Variants in WDR97 observed in about 807,000 individuals in gnomAD.
WDR97 encodes the protein WD repeat-containing protein 97.
A neutral mutation model predicts 65.4 loss-of-function variants in WDR97; 111 were observed. The ratio of observed to expected loss-of-function variants is 1.70; its 90% CI spans 1.45 to 1.99. The LOEUF is 1.99. Among genes scored for constraint, WDR97 ranks in the 30% most tolerant of loss-of-function variants. The pLI is 0.00. For missense variants in WDR97, 1,674 were observed against 865.0 expected (o/e 1.94, Z -11.73); for synonymous variants, 802 against 397.7 (o/e 2.02, Z -12.10).
Position 144,116,087 on chromosome 8 carries a change from C to G in WDR97, c.4667-4C>G. The G allele has an allele frequency of 1.4e-6, 1 of 693,586 alleles. No homozygotes were observed. Among genetic ancestry groups the G allele is most frequent in the Non-Finnish European group, 2.6e-6 (1 of 379,980 alleles). 43.0% of individuals were successfully genotyped at this position (693,586 alleles called of 1,614,324 possible). Reference sequence around the variant, plus strand: ...GGGCCTCATAAGCCTCCGCCCGCCCCCAGGCCCCATGCGGTCCCGGCTCTG... The same window carrying G: ...GGGCCTCATAAGCCTCCGCCCGCCCGCAGGCCCCATGCGGTCCCGGCTCTG... On this transcript the variant is annotated splice_polypyrimidine_tract_variant and splice_region_variant and intron_variant, in intron 23 of 23. Coordinates refer to ENST00000323662, the MANE Select transcript of WDR97 (RefSeq NM_001316309.2).
In WDR97 at chr8:144,111,134, G is replaced by C; in HGVS notation, c.2338G>C (p.Asp780His). Residue 780 changes from aspartate to histidine, a missense_variant, in exon 10 of 24, where the codon GAC becomes CAC. Physicochemically the swap from Asp to His is moderately conservative, Grantham distance 81. Coordinates refer to ENST00000323662, the MANE Select transcript of WDR97 (RefSeq NM_001316309.2). ...MCRKAPDVVD[D>H]PPLPLMSQES... Reference sequence around the variant, plus strand: ...CCGGAAGGCCCCAGACGTGGTGGACGACCCTCCGCTGCCACTGATGAGCCA... The same window carrying C: ...CCGGAAGGCCCCAGACGTGGTGGACCACCCTCCGCTGCCACTGATGAGCCA... 1 of 702,742 alleles carries C rather than the reference G, an allele frequency of 1.4e-6. No individual in the cohort carries two copies. Among genetic ancestry groups the C allele is most frequent in the Non-Finnish European group, 2.6e-6 (1 of 384,992 alleles). The allele number at this position is 702,742 out of a possible 1,614,324, so 43.5% of individuals were successfully genotyped here.
rs777552655 is a variant in WDR97, at chr8:144,110,943, C to T, written c.2251C>T (p.Arg751Cys). 8 of 702,714 alleles carry T rather than the reference C, an allele frequency of 1.1e-5. No homozygotes were observed. Among genetic ancestry groups the T allele is most frequent in the Admixed American group, 4.0e-5 (2 of 49,996 alleles). 43.5% of individuals were successfully genotyped at this position (702,714 alleles called of 1,614,324 possible). A position where few individuals can be genotyped will look rare whatever the true frequency, so the allele number is the denominator to read the frequency against. ...AGACCTGGTGCTGGCGCTGGGATCC[C>T]GCCTCTGCCTGGTGTCCCACAGGCT... ...SGDLVLALGS[R>C]LCLVSHRLYL... Residue 751 changes from arginine (R) to cysteine (C), a missense_variant, in exon 9 of 24, where the codon CGC becomes TGC. Arg to Cys is a radical substitution (Grantham distance 180, BLOSUM62 -3). Coordinates refer to ENST00000323662, the MANE Select transcript of WDR97 (RefSeq NM_001316309.2).
chr8:144,109,810 G>A lies in WDR97; in HGVS notation c.1476G>A (p.Leu492=). The change falls in exon 5 of 24, where the codon CTG becomes CTA. Residue 492 remains leucine (L), a synonymous_variant. Transcript: ENST00000323662. ...TGCCGCGCGAGGCGCTGTGGCTGCT[G>A]ACCAGGGCTGGGCACCTGGTCCGCG... is the stretch of plus-strand genomic sequence containing the variant. The part of the protein sequence containing the change: ...YCLPREALWL[L]TRAGHLVRAN... The A allele has an allele frequency of 1.5e-6, 1 of 679,148 alleles. No homozygotes were observed. Among genetic ancestry groups the A allele is most frequent in the East Asian group, 2.8e-5 (1 of 35,568 alleles). 42.1% of individuals were successfully genotyped at this position (679,148 alleles called of 1,614,324 possible). A position where few individuals can be genotyped will look rare whatever the true frequency, so the allele number is the denominator to read the frequency against.
In WDR97 at chr8:144,108,199, C is replaced by G. The variant is rs569592938; in HGVS notation, c.249+4C>G. The G allele has an allele frequency of 3.9e-5, 27 of 700,544 alleles. No individual in the cohort carries two copies. The highest frequency in any genetic ancestry group is 7.0e-5 in the Non-Finnish European group (27 of 383,606). 43.4% of individuals were successfully genotyped at this position (700,544 alleles called of 1,614,324 possible). ...CCTCCACGAAGTCGTGGAAAAGGTGCGGTGTGCCTGTCCTGCGCCTCCTGG... is the reference window on the plus strand; with the variant it reads ...CCTCCACGAAGTCGTGGAAAAGGTGGGGTGTGCCTGTCCTGCGCCTCCTGG... On this transcript the variant is annotated splice_donor_region_variant and intron_variant, in intron 2 of 23. Coordinates refer to ENST00000323662, the MANE Select transcript of WDR97 (RefSeq NM_001316309.2).
In WDR97 at chr8:144,116,239, G is replaced by A. The variant is rs746209042; in HGVS notation, c.4815G>A (p.Pro1605=). 7.4e-6 allele frequency: 5 copies of A among 678,520 alleles called. No individual in the cohort carries two copies. The highest frequency in any genetic ancestry group is 4.6e-5 in the South Asian group (3 of 65,292). The allele number at this position is 678,520 out of a possible 1,614,324, so 42.0% of individuals were successfully genotyped here. Residue 1605 remains proline (P), a synonymous_variant, in exon 24 of 24, where the codon CCG becomes CCA. Coordinates refer to ENST00000323662, the MANE Select transcript of WDR97 (RefSeq NM_001316309.2). ...CGCTGCCCCCGCGGCTCCTGCAGCC[G>A]GCCCTGCAGCGCTACTTTCTGCCAG... ...PRPLPPRLLQ[P]ALQRYFLPAD...
chr8:144,113,910 A>G (rs1836597838), intron 17 of WDR97, 29 bp downstream of exon 17: 1 of 686,570 alleles, frequency 1.5e-6, no homozygotes, highest in Admixed American at 2.0e-5. Context: ...GCCCCAGGCC[A>G]CCACGGGAGG....
rs1408062473 is a variant in WDR97 at position 144,110,556 on chromosome 8, G to A, written c.2059G>A (p.Asp687Asn). ...SPRLDHRPQDDPTDHITGLCC... is the reference protein window; with the variant it reads ...SPRLDHRPQDNPTDHITGLCC... ...GCGATTAGACCACCGGCCCCAGGAC[G>A]ACCCCACGGACCACATCACTGGTGA... is the stretch of plus-strand genomic sequence containing the variant. The change falls in exon 7 of 24, where the codon GAC becomes AAC. Residue 687 changes from aspartate to asparagine, a missense_variant. Asp to Asn is a conservative substitution (Grantham distance 23). Transcript: ENST00000323662. 2 of 702,846 alleles carry A rather than the reference G, an allele frequency of 2.8e-6. No individual in the cohort carries two copies. Among genetic ancestry groups the A allele is most frequent in the Non-Finnish European group, 5.2e-6 (2 of 384,948 alleles). 43.5% of individuals were successfully genotyped at this position (702,846 alleles called of 1,614,324 possible). A position where few individuals can be genotyped will look rare whatever the true frequency, so the allele number is the denominator to read the frequency against.
rs746528460 is a variant in WDR97, at chr8:144,112,118, C to A, written c.2869C>A (p.Arg957Ser). ...RVTVPIPPTH[R>S]RVHSKASQLL... ...CACAGTGCCGATCCCACCCACCCACCGTAGGGTGCACAGCAAGGCATCCCA... is the reference window on the plus strand; with the variant it reads ...CACAGTGCCGATCCCACCCACCCACAGTAGGGTGCACAGCAAGGCATCCCA... The change falls in exon 13 of 24, where the codon CGT becomes AGT. Residue 957 changes from arginine (R) to serine (S), a missense_variant. By Grantham distance (110) the Arg-to-Ser change is moderately radical. Coordinates refer to ENST00000323662, the MANE Select transcript of WDR97 (RefSeq NM_001316309.2). 2 of 702,606 alleles carry A rather than the reference C, an allele frequency of 2.8e-6. No homozygotes were observed. Among genetic ancestry groups the A allele is most frequent in the Admixed American group, 4.0e-5 (2 of 49,982 alleles). 43.5% of individuals were successfully genotyped at this position (702,606 alleles called of 1,614,324 possible).
chr8:144,109,266 G>A (rs1023532798), intron 4 of WDR97, 69 bp from the exon 5 acceptor site: 3 of 699,050 alleles, frequency 4.3e-6, no homozygotes, highest in African/African-American at 3.5e-5. Flanking sequence ...GCCTTGCTGC[G>A]CTGACTGCAA....
Position 144,109,542 on chromosome 8 carries a change from C to A in WDR97, c.1208C>A (p.Ala403Glu). 1.4e-6 allele frequency: 1 copy of A among 697,650 alleles called. No individual in the cohort carries two copies. The highest frequency in any genetic ancestry group is 2.6e-6 in the Non-Finnish European group (1 of 382,564). The allele number at this position is 697,650 out of a possible 1,614,324, so 43.2% of individuals were successfully genotyped here. ...GGCTGGCCGGTGCTGTCCCTGTGCG[C>A]GAGCAGCATGCAGCTGTGGCGCGTA... ...RPGWPVLSLCASSMQLWRVRE... is the reference protein window; with the variant it reads ...RPGWPVLSLCESSMQLWRVRE... The change falls in exon 5 of 24, where the codon GCG becomes GAG. Residue 403 changes from alanine to glutamate, a missense_variant. Physicochemically the swap from Ala to Glu is moderately radical, Grantham distance 107. Coordinates refer to ENST00000323662, the MANE Select transcript of WDR97 (RefSeq NM_001316309.2).
At position 144,114,150 on chromosome 8, in the gene WDR97, C is replaced by G. The variant is rs1303496119; in HGVS notation, c.3582C>G (p.Ile1194Met). Residue 1194 changes from isoleucine (I) to methionine (M), a missense_variant, in exon 18 of 24, where the codon ATC becomes ATG. Coordinates refer to ENST00000323662, the MANE Select transcript of WDR97 (RefSeq NM_001316309.2). ...CCTGGTTCAAAAAGTTGTTCCCCATCTTCAGCCTGCAGGTTGGAGGGAACT... is the reference window on the plus strand; with the variant it reads ...CCTGGTTCAAAAAGTTGTTCCCCATGTTCAGCCTGCAGGTTGGAGGGAACT... ...YQTWFKKLFPIFSLQAYPEAG... is the reference protein window; with the variant it reads ...YQTWFKKLFPMFSLQAYPEAG... The G allele has an allele frequency of 8.5e-6, 6 of 702,716 alleles. No homozygotes were observed. The highest frequency in any genetic ancestry group is 1.6e-5 in the Non-Finnish European group (6 of 384,866). 43.5% of individuals were successfully genotyped at this position (702,716 alleles called of 1,614,324 possible).
rs1005487723 is a variant in WDR97, at chr8:144,110,640, T to TG, written c.2081-8dup. 75 of 702,720 alleles carry TG rather than the reference T, an allele frequency of 1.1e-4. No individual in the cohort carries two copies. The highest frequency in any genetic ancestry group is 6.8e-4 in the Middle Eastern group (3 of 4,392). The allele number at this position is 702,720 out of a possible 1,614,324, so 43.5% of individuals were successfully genotyped here. ...AGCTCCGGTTCCTGACCCTGAACCC[T>TG]GCCGCCAGGCCTGTGCTGCTGCCCC... On this transcript the variant is annotated splice_polypyrimidine_tract_variant and intron_variant, in intron 7 of 23. Transcript: ENST00000323662.
chr8:144,112,132 C>T lies in WDR97; in HGVS notation c.2883C>T (p.Ser961=), dbSNP rs767943529. The T allele has an allele frequency of 4.8e-5, 34 of 702,036 alleles. No homozygotes were observed. The highest frequency in any genetic ancestry group is 8.6e-5 in the Non-Finnish European group (33 of 384,570). The allele number at this position is 702,036 out of a possible 1,614,324, so 43.5% of individuals were successfully genotyped here. The change falls in exon 13 of 24, where the codon AGC becomes AGT. Residue 961 remains serine (S), a synonymous_variant. Coordinates refer to ENST00000323662, the MANE Select transcript of WDR97 (RefSeq NM_001316309.2). The part of the protein sequence containing the change: ...PIPPTHRRVH[S]KASQLLARSS... The stretch of plus-strand genomic sequence containing the variant: ...CACCCACCCACCGTAGGGTGCACAG[C>T]AAGGCATCCCAGGTGAGGCTTCCCA...
rs1052803432 is a variant in WDR97, at chr8:144,109,867, G to A, written c.1533G>A (p.Leu511=). 7.1e-6 allele frequency: 5 copies of A among 700,442 alleles called. No individual in the cohort carries two copies. Among genetic ancestry groups the A allele is most frequent in the African/African-American group, 7.0e-5 (4 of 57,168 alleles). 43.4% of individuals were successfully genotyped at this position (700,442 alleles called of 1,614,324 possible). A position where few individuals can be genotyped will look rare whatever the true frequency, so the allele number is the denominator to read the frequency against. Residue 511 remains leucine, a synonymous_variant, in exon 5 of 24, where the codon CTG becomes CTA. Coordinates refer to ENST00000323662, the MANE Select transcript of WDR97 (RefSeq NM_001316309.2). ...CGGCGCGCTGCCCCATGAGCGTGCT[G>A]CACCGCGTGTGCCCGCCGCCGCCCC... ...ANAARCPMSV[L]HRVCPPPPPA...
chr8:144,109,720 C>T lies in WDR97; in HGVS notation c.1386C>T (p.Thr462=), dbSNP rs1836504738. The T allele has an allele frequency of 1.5e-6, 1 of 679,132 alleles. No homozygotes were observed. 42.1% of individuals were successfully genotyped at this position (679,132 alleles called of 1,614,324 possible). ...CGGTCTACCTCCTGTCGGCGGCCAC[C>T]GGGCGCATAGTGAGCTCACTGCTGC... ...DGSVYLLSAA[T]GRIVSSLLLE... is the part of the protein sequence containing the mutation. Residue 462 remains threonine (T), a synonymous_variant, in exon 5 of 24, where the codon ACC becomes ACT. Coordinates refer to ENST00000323662, the MANE Select transcript of WDR97 (RefSeq NM_001316309.2).
rs999016517 is a variant in WDR97, at chr8:144,116,230, C to T, written c.4806C>T (p.Leu1602=). The change falls in exon 24 of 24, where the codon CTC becomes CTT. Residue 1602 remains leucine, a synonymous_variant. Coordinates refer to ENST00000323662, the MANE Select transcript of WDR97 (RefSeq NM_001316309.2). ...PMPPRPLPPR[L]LQPALQRYFL... Reference sequence around the variant, plus strand: ...CCCCGCGCCCGCTGCCCCCGCGGCTCCTGCAGCCGGCCCTGCAGCGCTACT... The same window carrying T: ...CCCCGCGCCCGCTGCCCCCGCGGCTTCTGCAGCCGGCCCTGCAGCGCTACT... 1.0e-5 allele frequency: 7 copies of T among 682,106 alleles called. No individual in the cohort carries two copies. Among genetic ancestry groups the T allele is most frequent in the Non-Finnish European group, 1.9e-5 (7 of 373,826 alleles). 42.3% of individuals were successfully genotyped at this position (682,106 alleles called of 1,614,324 possible). A position where few individuals can be genotyped will look rare whatever the true frequency, so the allele number is the denominator to read the frequency against.
Position 144,116,488 on chromosome 8 carries a change from G to A in WDR97, c.*195G>A, listed in dbSNP as rs1836670532. ...GGCGGAAGGCAGGAGCCGGAGGCCTGGCGGAGGTGGCCATCGTGGGCACCA... is the reference window on the plus strand; with the variant it reads ...GGCGGAAGGCAGGAGCCGGAGGCCTAGCGGAGGTGGCCATCGTGGGCACCA... On this transcript the variant is annotated 3_prime_UTR_variant, in exon 24 of 24. Transcript: ENST00000323662. 4.0e-6 allele frequency: 2 copies of A among 500,832 alleles called. No homozygotes were observed. Among genetic ancestry groups the A allele is most frequent in the African/African-American group, 2.0e-5 (1 of 49,284 alleles). 31.0% of individuals were successfully genotyped at this position (500,832 alleles called of 1,614,324 possible). A position where few individuals can be genotyped will look rare whatever the true frequency, so the allele number is the denominator to read the frequency against.
intron 21 of WDR97, among the ~76,000 whole-genome samples, 200 bp downstream of exon 21, chr8:144,115,111 A>G (rs1207443962): frequency 6.6e-6 from 1 of 150,410 alleles, no homozygotes; most frequent in Non-Finnish European, 1.5e-5. Context: ...TCTGGCCCGA[A>G]CCAGGGACAG....
chr8:144,111,397 A>C (rs1332407447), intron 10 of WDR97, 29 bp from the exon 11 acceptor site: 1 of 702,574 alleles, frequency 1.4e-6, no homozygotes, highest in Non-Finnish European at 2.6e-6. Flanking sequence ...GCCACCCAGC[A>C]TCCCACCTGT....
Sources: gnomAD v4.1 joint callset for allele counts (sites outside exome capture counted in the v4.1 genomes callset) on GRCh38, gnomAD v4.1.1 for gene constraint, MANE v1.5 for transcripts, NCBI Gene and HGNC (gene_info 2026-07-23, HGNC 2026-07-21) for gene names.